MBD5: variants seen among roughly 807,000 people sequenced by gnomAD.
MBD5 encodes the protein methyl-CpG binding domain protein 5, also known as methyl-CpG-binding domain protein 5.
A neutral mutation model predicts 117.3 loss-of-function variants in MBD5; 13 were observed. That is an observed-to-expected ratio of 0.11 (90% CI 0.07 to 0.18). MBD5 has a LOEUF of 0.18. MBD5 is among the 10% of genes least tolerant of loss of function. The pLI is 1.00. For missense variants in MBD5, 1,879 were observed against 2,093.8 expected (o/e 0.90, Z 2.00); for synonymous variants, 727 against 766.4 (o/e 0.95, Z 0.85).
intron 3 of MBD5, among the ~76,000 whole-genome samples, chr2:148,316,529 T>C (rs1702161966): frequency 6.6e-6 from 1 of 152,118 alleles, no homozygotes; most frequent in African/African-American, 2.4e-5. Flanking sequence ...AATATAACAT[T>C]ATAACCCTTG....
At position 148,439,352 on chromosome 2, in the gene MBD5, C is replaced by T. The variant is rs537544006; in HGVS notation, c.-556-18851C>T. ...AACAGATGTAGGGACATCTTTCTGC[C>T]ATGTGTACTTTAGCACTTTAAAGTA... On this transcript the variant is annotated intron_variant, in intron 4 of 13. Coordinates refer to ENST00000642680, the MANE Select transcript of MBD5 (RefSeq NM_001378120.1). 3.9e-5 allele frequency among the ~76,000 whole-genome samples: 6 copies of T among 152,150 alleles called. No individual in the cohort carries two copies. In the East Asian group the frequency reaches 1.2e-3, roughly 29 times the overall value.
chr2:148,039,268 AC>A lies in MBD5; in HGVS notation c.-925+17586del, dbSNP rs1694291706. Among the ~76,000 whole-genome samples the A allele has an allele frequency of 3.9e-5, 6 of 152,038 alleles. No individual in the cohort carries two copies. The South Asian group carries it at 1.0e-3, about 26-fold the overall frequency. On this transcript the variant is annotated intron_variant, in intron 1 of 13. Coordinates refer to ENST00000642680, the MANE Select transcript of MBD5 (RefSeq NM_001378120.1). Reference sequence around the variant, plus strand: ...GTACAGTGTCTCCTGTATGTTTTAAACCTTATTATTTTTCTGGTGTATATTT... The same window carrying A: ...GTACAGTGTCTCCTGTATGTTTTAAACTTATTATTTTTCTGGTGTATATTT...
intron 3 of MBD5, among the ~76,000 whole-genome samples, chr2:148,332,651 A>G (rs1039657450): frequency 1.3e-5 from 2 of 152,112 alleles, no homozygotes; most frequent in African/African-American, 4.8e-5. Flanking sequence ...AGTGTTGAAA[A>G]GTTGAAAGAT....
chr2:148,065,618 A>C (rs1483016435), intron 1 of MBD5, among the ~76,000 whole-genome samples: 1 of 152,238 alleles, frequency 6.6e-6, no homozygotes, highest in Non-Finnish European at 1.5e-5. Flanking sequence ...ATGAAAGATC[A>C]TATGAGTTGC....
rs1416955807 is a variant in MBD5, at chr2:148,070,236, C to T, written c.-925+48552C>T. ...TCTGTTCCTGGCTTACTTCACTTAA[C>T]ATAATAACCTCCAGTTCTATCCATG... is the stretch of plus-strand genomic sequence containing the variant. On this transcript the variant is annotated intron_variant, in intron 1 of 13. Transcript: ENST00000642680. Among the ~76,000 whole-genome samples, 3 of 152,304 alleles carry T rather than the reference C, an allele frequency of 2.0e-5. No homozygotes were observed. In the South Asian group the frequency reaches 6.2e-4, roughly 32 times the overall value.
intron 4 of MBD5, among the ~76,000 whole-genome samples, chr2:148,457,934 T>C (rs1241274931): frequency 1.3e-5 from 2 of 152,170 alleles, no homozygotes; most frequent in Admixed American, 6.6e-5. Context: ...TTTGTATGTT[T>C]GAGTGTATGT....
intron 8 of MBD5, among the ~76,000 whole-genome samples, chr2:148,477,240 A>C (rs970224520): frequency 6.6e-6 from 1 of 152,090 alleles, no homozygotes; most frequent in Non-Finnish European, 1.5e-5. Context: ...TTCAAGCTGC[A>C]TCCCTTCTAC....
At position 148,470,416 on chromosome 2, in the gene MBD5, C is replaced by A; in HGVS notation, c.2473C>A (p.Pro825Thr). 2 of 1,611,574 alleles carry A rather than the reference C, an allele frequency of 1.2e-6. No homozygotes were observed. Among genetic ancestry groups the A allele is most frequent in the Non-Finnish European group, 1.7e-6 (2 of 1,178,458 alleles). Residue 825 changes from proline (P) to threonine (T), a missense_variant, in exon 8 of 14, where the codon CCA becomes ACA. This residue lies in a region of MBD5 where 1,666 missense variants were observed against 1,792.2 expected (regional missense o/e 0.93). Transcript: ENST00000642680. ...TTCAACGTCCTCCACTCCAGTGATA[C>A]CAAACAGCATTGTTAGCAGCTATAA... The part of the protein sequence containing the change: ...RISTSSTPVI[P>T]NSIVSSYNQT...
At chr2:148,147,324 C>A (rs111831252) in intron 1 of MBD5, among the ~76,000 whole-genome samples, 1 of 151,814 alleles carries the variant, frequency 6.6e-6, no homozygotes, top group African/African-American at 2.4e-5. Context: ...TTCACTGCAA[C>A]CTCTGCCTCC....
At chr2:148,463,082 C>A (rs1707144926) in intron 6 of MBD5, among the ~76,000 whole-genome samples, 1 of 152,080 alleles carries the variant, frequency 6.6e-6, no homozygotes, top group African/African-American at 2.4e-5. Context: ...CAAAACTGAA[C>A]CCTCCTAGCC....
chr2:148,189,081 TC>T (rs879446822), intron 2 of MBD5, among the ~76,000 whole-genome samples: 2 of 142,312 alleles, frequency 1.4e-5, no homozygotes, highest in African/African-American at 2.7e-5. Context: ...CGAGACTATA[TC>T]CCACACCTGG....
chr2:148,087,672 C>T (rs1695830626), intron 1 of MBD5, among the ~76,000 whole-genome samples: 2 of 152,174 alleles, frequency 1.3e-5, no homozygotes, highest in South Asian at 2.1e-4. Flanking sequence ...AAAGGGAGTG[C>T]ACCATATCAA....
intron 2 of MBD5, among the ~76,000 whole-genome samples, chr2:148,207,582 A>G (rs1699317227): frequency 6.6e-6 from 1 of 152,062 alleles, no homozygotes; most frequent in Non-Finnish European, 1.5e-5. Context: ...ATGAGGAAAC[A>G]CTGGAAGCAT....
rs186477819 is a variant in MBD5 at position 148,269,508 on chromosome 2, A to C, written c.-680+36113A>C. On this transcript the variant is annotated intron_variant, in intron 3 of 13. Coordinates refer to ENST00000642680, the MANE Select transcript of MBD5 (RefSeq NM_001378120.1). The stretch of plus-strand genomic sequence containing the variant: ...CTGCTTTCCCTAGACATGAGTACAA[A>C]ATCATTTTTCTCACAACTTTTAAGA... Among the ~76,000 whole-genome samples the C allele has an allele frequency of 2.6e-5, 4 of 151,926 alleles. No individual in the cohort carries two copies. In the East Asian group the frequency reaches 7.7e-4, roughly 29 times the overall value.
intron 12 of MBD5, among the ~76,000 whole-genome samples, chr2:148,504,521 C>A (rs566437766): frequency 6.6e-6 from 1 of 152,174 alleles, no homozygotes; most frequent in Admixed American, 6.5e-5. Flanking sequence ...TTTAAGAAGA[C>A]AAATTTAGCA....
intron 3 of MBD5, among the ~76,000 whole-genome samples, chr2:148,320,723 A>G (rs910762891): frequency 1.3e-5 from 2 of 151,846 alleles, no homozygotes; most frequent in Non-Finnish European, 2.9e-5. Flanking sequence ...CAAGGGCTCT[A>G]TTTCTTCCTG....
At chr2:148,162,390 C>T (rs1025613398) in intron 1 of MBD5, among the ~76,000 whole-genome samples, 7 of 152,212 alleles carry the variant, frequency 4.6e-5, no homozygotes, top group African/African-American at 1.7e-4. Flanking sequence ...ACTAAGACAA[C>T]TACCTAATTA....
intron 3 of MBD5, among the ~76,000 whole-genome samples, chr2:148,311,244 G>A (rs1702022131): frequency 1.3e-5 from 2 of 152,044 alleles, no homozygotes; most frequent in South Asian, 4.2e-4. Context: ...TTGACAGTGG[G>A]GCATTAAAGT....
At chr2:148,403,085 C>G (rs1403210909) in intron 4 of MBD5, among the ~76,000 whole-genome samples, 1 of 151,996 alleles carries the variant, frequency 6.6e-6, no homozygotes, top group Non-Finnish European at 1.5e-5. Flanking sequence ...CAGTTTTTAT[C>G]TCTAGAAGTT....
Sources: gnomAD v4.1 joint callset for allele counts (sites outside exome capture counted in the v4.1 genomes callset) on GRCh38, gnomAD v4.1.1 for gene constraint, gnomAD v4.1.1 regional missense constraint, MANE v1.5 for transcripts, NCBI Gene and HGNC (gene_info 2026-07-23, HGNC 2026-07-21) for gene names.